The following SLCO2B1 variants were observed in gnomAD, a reference collection of about 807,000 sequenced individuals.
The protein encoded by SLCO2B1 is OATP-RP2.
In SLCO2B1, 41 loss-of-function variants were observed where a neutral mutation model predicts 67.3. The ratio of observed to expected loss-of-function variants is 0.61; its 90% CI spans 0.47 to 0.79. The LOEUF (loss-of-function observed/expected upper bound fraction) is 0.79. Ranked by LOEUF, SLCO2B1 falls within the 30% of genes least tolerant of loss-of-function variation. The pLI is 0.00. For missense variants in SLCO2B1, 837 were observed against 920.1 expected, an observed-to-expected ratio of 0.91 and a Z score of 1.17; for synonymous variants, 379 against 381.4, an observed-to-expected ratio of 0.99 and a Z score of 0.07.
At chr11:75,187,209 G>A (rs1944949170) in intron 7 of SLCO2B1, among the ~76,000 whole-genome samples, 2 of 152,176 alleles carry the variant, frequency 1.3e-5, no homozygotes, top group South Asian at 4.1e-4. Flanking sequence ...GTGCTTAGTA[G>A]GCATTAACCG....
intron 1 of SLCO2B1, among the ~76,000 whole-genome samples, chr11:75,158,059 GAATTA>G (rs1949768199): frequency 6.6e-6 from 1 of 152,018 alleles, no homozygotes; most frequent in Non-Finnish European, 1.5e-5. Flanking sequence ...TTATTATATT[GAATTA>G]AATTAAATTA....
intron 7 of SLCO2B1, among the ~76,000 whole-genome samples, chr11:75,176,402 C>G (rs1950024016): frequency 6.6e-6 from 1 of 152,230 alleles, no homozygotes; most frequent in African/African-American, 2.4e-5. Flanking sequence ...ACTCTGTGAC[C>G]ATAGAGACCA....
Position 75,176,940 on chromosome 11 carries a change from C to T in SLCO2B1, c.972+4371C>T, listed in dbSNP as rs1950033259. On this transcript the variant is annotated intron_variant, in intron 7 of 13. Coordinates refer to ENST00000289575, the MANE Select transcript of SLCO2B1 (RefSeq NM_007256.5). ...TCCAGAGGTTGGACAGCACCACGGG[C>T]CCTTGCACCTGTCTGTACAAAGCCA... Among the ~76,000 whole-genome samples, 4 of 152,200 alleles carry T rather than the reference C, an allele frequency of 2.6e-5. 1 individual carries two copies. In the South Asian group the frequency reaches 8.3e-4, roughly 32 times the overall value.
chr11:75,156,222 C>T (rs978888623), intron 1 of SLCO2B1, among the ~76,000 whole-genome samples: 1 of 152,204 alleles, frequency 6.6e-6, no homozygotes, highest in Non-Finnish European at 1.5e-5. Context: ...CAGAGGCTTT[C>T]AGCAGGGAAC....
At chr11:75,165,640 G>C in intron 3 of SLCO2B1, 147 bp from the exon 4 acceptor site, 2 of 937,062 alleles carry the variant, frequency 2.1e-6, no homozygotes, top group Non-Finnish European at 3.3e-6. Flanking sequence ...GCCCTTCCGA[G>C]GGGGACCCAG....
intron 4 of SLCO2B1, among the ~76,000 whole-genome samples, chr11:75,168,506 C>T (rs1182357619): frequency 6.6e-6 from 1 of 152,180 alleles, no homozygotes; most frequent in Admixed American, 6.5e-5. Context: ...CTCCAGGGAA[C>T]AAATGTCAGG....
intron 10 of SLCO2B1, among the ~76,000 whole-genome samples, chr11:75,198,234 C>T (rs902050866): frequency 6.6e-6 from 1 of 152,164 alleles, no homozygotes; most frequent in African/African-American, 2.4e-5. Context: ...ATATGGGAAC[C>T]GATTCAAATC....
chr11:75,181,991 A>G (rs1034755071), intron 7 of SLCO2B1, among the ~76,000 whole-genome samples: 3 of 152,070 alleles, frequency 2.0e-5, no homozygotes, highest in African/African-American at 2.4e-5. Context: ...TATAGCCCAA[A>G]TCTCAGCCTG....
intron 1 of SLCO2B1, among the ~76,000 whole-genome samples, chr11:75,158,488 GT>G (rs545492185): frequency 4.7e-5 from 7 of 150,062 alleles, no homozygotes; most frequent in South Asian, 2.1e-4. Flanking sequence ...AGTTAAGGCT[GT>G]TTTTTTTTTC....
At chr11:75,203,000 A>G (rs1945207105) in intron 12 of SLCO2B1, 35 bp downstream of exon 12, 1 of 1,584,468 alleles carries the variant, frequency 6.3e-7, no homozygotes, top group Admixed American at 1.7e-5. Context: ...GGTGGTGGTG[A>G]TGGGGTCCAG....
chr11:75,163,951 G>T lies in SLCO2B1; in HGVS notation c.148-12G>T, dbSNP rs1297033218. On this transcript the variant is annotated splice_polypyrimidine_tract_variant and intron_variant, in intron 2 of 13. Coordinates refer to ENST00000289575, the MANE Select transcript of SLCO2B1 (RefSeq NM_007256.5). ...ACCGCCCACCTCTGCCTGCCTCCGGGTCCCCCCACAGCTGTTCGTTCTGTG... is the reference window on the plus strand; with the variant it reads ...ACCGCCCACCTCTGCCTGCCTCCGGTTCCCCCCACAGCTGTTCGTTCTGTG... The T allele has an allele frequency of 6.3e-7, 1 of 1,592,074 alleles. No homozygotes were observed.
intron 7 of SLCO2B1, among the ~76,000 whole-genome samples, chr11:75,180,199 T>C (rs1950077381): frequency 6.6e-6 from 1 of 152,134 alleles, no homozygotes; most frequent in Non-Finnish European, 1.5e-5. Context: ...GTAGTTTTAG[T>C]AGAGACGGGG....
At chr11:75,168,263 A>G (rs917306127) in intron 4 of SLCO2B1, among the ~76,000 whole-genome samples, 29 of 152,266 alleles carry the variant, frequency 1.9e-4, no homozygotes, top group African/African-American at 7.0e-4. Flanking sequence ...CCTCTGTCAA[A>G]GTCACACAGC....
At chr11:75,165,004 C>T (rs1949870032) in intron 3 of SLCO2B1, among the ~76,000 whole-genome samples, 1 of 152,144 alleles carries the variant, frequency 6.6e-6, no homozygotes, top group South Asian at 2.1e-4. Flanking sequence ...CTGGGACTCA[C>T]CCAAGGTCAC....
In SLCO2B1 at chr11:75,169,845, C is replaced by T. The variant is rs180722765; in HGVS notation, c.781+81C>T. 1.9e-3 allele frequency: 2,198 copies of T among 1,158,550 alleles called. 15 individuals are homozygous for T. Among genetic ancestry groups the T allele is most frequent in the Middle Eastern group, 0.013 (68 of 5,166 alleles). The allele number at this position is 1,158,550 out of a possible 1,614,324, so 71.8% of individuals were successfully genotyped here. A position where few individuals can be genotyped will look rare whatever the true frequency, so the allele number is the denominator to read the frequency against. On this transcript the variant is annotated intron_variant, in intron 6 of 13. Transcript: ENST00000289575. ...TAGGAGACATTGAGCCAGGGGACCT[C>T]GGTTCAAATCCTAGCAGCACCACTG... is the stretch of plus-strand genomic sequence containing the variant.
chr11:75,154,117 G>T (rs1383334262), intron 1 of SLCO2B1, among the ~76,000 whole-genome samples: 2 of 151,098 alleles, frequency 1.3e-5, no homozygotes, highest in African/African-American at 2.4e-5. Flanking sequence ...GTAGAGATGG[G>T]GTTTCACCAT....
intron 1 of SLCO2B1, among the ~76,000 whole-genome samples, chr11:75,162,206 T>C (rs948784659): frequency 1.3e-5 from 2 of 152,126 alleles, no homozygotes; most frequent in African/African-American, 4.8e-5. Flanking sequence ...CTGCCCCAGA[T>C]CTCTGATCCT....
chr11:75,178,007 T>G (rs918522859), intron 7 of SLCO2B1, among the ~76,000 whole-genome samples: 1 of 149,166 alleles, frequency 6.7e-6, no homozygotes, highest in African/African-American at 2.5e-5. Flanking sequence ...GGCAGGAGAA[T>G]CACTAGAACC....
rs1945245877 is a variant in SLCO2B1, at chr11:75,204,767, G to A, written c.*187G>A. 1.3e-5 allele frequency: 6 copies of A among 463,234 alleles called. No homozygotes were observed. Among genetic ancestry groups the A allele is most frequent in the Non-Finnish European group, 2.2e-5 (6 of 273,722 alleles). 28.7% of individuals were successfully genotyped at this position (463,234 alleles called of 1,614,324 possible). A position where few individuals can be genotyped will look rare whatever the true frequency, so the allele number is the denominator to read the frequency against. On this transcript the variant is annotated 3_prime_UTR_variant, in exon 14 of 14. Transcript: ENST00000289575. ...GCTTGCTAGTCTGAACCAAAGAGTT[G>A]TTTGGGCATTTGCTGTGTTGGCCAT...
Sources: gnomAD v4.1 joint callset for allele counts (sites outside exome capture counted in the v4.1 genomes callset) on GRCh38, gnomAD v4.1.1 for gene constraint, MANE v1.5 for transcripts, NCBI Gene and HGNC (gene_info 2026-07-23, HGNC 2026-07-21) for gene names.